The following PRKCD variants were observed in gnomAD, a reference collection of about 807,000 sequenced individuals.
The protein encoded by PRKCD is protein kinase C delta, also known as protein kinase C delta type.
In PRKCD, 20 loss-of-function variants were observed where a neutral mutation model predicts 82.2. The ratio of observed to expected loss-of-function variants is 0.24; its 90% CI spans 0.17 to 0.35. PRKCD has a LOEUF of 0.35. PRKCD is among the 10% of genes least tolerant of loss of function. The probability of loss-of-function intolerance (pLI) is 1.00; values close to 1 mark genes in which losing one functional copy is unlikely to be tolerated. For synonymous variants in PRKCD, 317 were observed against 337.0 expected, an observed-to-expected ratio of 0.94 and a Z score of 0.65; for missense variants, 607 against 899.0, an observed-to-expected ratio of 0.68 and a Z score of 4.15.
chr3:53,161,899 G>T (rs1553663047), intron 1 of PRKCD, among the ~76,000 whole-genome samples: 1 of 36,594 alleles, frequency 2.7e-5, no homozygotes, highest in African/African-American at 1.1e-4. Flanking sequence ...CCTCGATCCC[G>T]TCCTCCCGGA....
chr3:53,161,468 C>T (rs1229102684), intron 1 of PRKCD, 40 bp downstream of exon 1: 6 of 151,946 alleles, frequency 3.9e-5, no homozygotes, highest in African/African-American at 1.4e-4. Context: ...TCGGGGCTAC[C>T]CCGAGGGCGC....
rs782298081 is a variant in PRKCD, at chr3:53,179,717, G to A, written c.256G>A (p.Val86Met). ...AGAGGAGCCAGTGTCTGAGGTGACC[G>A]TGGGTGTGTCGGTGCTGGCCGAGCG... Reference protein sequence around the residue: ...AAEEPVSEVTVGVSVLAERCK... With the variant: ...AAEEPVSEVTMGVSVLAERCK... Residue 86 changes from valine to methionine, a missense_variant, in exon 4 of 19, where the codon GTG (valine) becomes ATG (methionine). Coordinates refer to ENST00000330452, the MANE Select transcript of PRKCD (RefSeq NM_006254.4). 1.1e-5 allele frequency: 17 copies of A among 1,605,096 alleles called. No individual in the cohort carries two copies. Among genetic ancestry groups the A allele is most frequent in the African/African-American group, 4.0e-5 (3 of 74,748 alleles).
intron 3 of PRKCD, chr3:53,179,331 A>G: frequency 1.6e-6 from 1 of 613,346 alleles, no homozygotes; most frequent in Non-Finnish European, 3.0e-6. Flanking sequence ...GCATAAGGGC[A>G]GGCGACATTT....
intron 2 of PRKCD, among the ~76,000 whole-genome samples, chr3:53,165,656 C>T (rs1702808909): frequency 6.6e-6 from 1 of 152,178 alleles, no homozygotes; most frequent in South Asian, 2.1e-4. Context: ...TTGGACACTG[C>T]AGGGGGATGG....
intron 2 of PRKCD, among the ~76,000 whole-genome samples, chr3:53,173,928 T>C (rs574884373): frequency 6.6e-6 from 1 of 152,334 alleles, no homozygotes; most frequent in South Asian, 2.1e-4. Flanking sequence ...GATCTCCACC[T>C]CTACCGTCTT....
chr3:53,179,925 C>T, intron 4 of PRKCD, 149 bp downstream of exon 4: 1 of 906,514 alleles, frequency 1.1e-6, no homozygotes. Flanking sequence ...CAGTCCAGCC[C>T]TGTGGCCAAC....
At chr3:53,178,375 C>A in intron 2 of PRKCD, 29 bp from the exon 3 acceptor site, 2 of 1,528,640 alleles carry the variant, frequency 1.3e-6, no homozygotes, top group African/African-American at 1.4e-5. Context: ...CCCGCCCGGC[C>A]GCCTGGCCTC....
At chr3:53,165,502 G>A (rs782153158) in intron 2 of PRKCD, among the ~76,000 whole-genome samples, 6 of 152,232 alleles carry the variant, frequency 3.9e-5, no homozygotes, top group Non-Finnish European at 7.3e-5. Flanking sequence ...AAGTAGTAAC[G>A]CTTTTTTGGT....
intron 7 of PRKCD, among the ~76,000 whole-genome samples, chr3:53,182,324 A>G (rs1703476795): frequency 6.6e-6 from 1 of 151,562 alleles, no homozygotes; most frequent in Non-Finnish European, 1.5e-5. Flanking sequence ...GCTAGAGTGC[A>G]GTTGTGCGAT....
At chr3:53,164,935 T>C (rs946203765) in intron 1 of PRKCD, among the ~76,000 whole-genome samples, 169 bp from the exon 2 acceptor site, 2 of 151,966 alleles carry the variant, frequency 1.3e-5, no homozygotes, top group African/African-American at 2.4e-5. Context: ...CCAGGAAAAG[T>C]TGGGCCCAAC....
chr3:53,187,436 G>A, intron 15 of PRKCD, 34 bp downstream of exon 15: 2 of 1,608,674 alleles, frequency 1.2e-6, no homozygotes, highest in South Asian at 1.1e-5. Flanking sequence ...GCTCTTGGGA[G>A]GGGAGGCTCC....
intron 2 of PRKCD, among the ~76,000 whole-genome samples, chr3:53,168,376 G>A (rs1702901922): frequency 6.6e-6 from 1 of 152,200 alleles, no homozygotes; most frequent in Non-Finnish European, 1.5e-5. Context: ...CAGAGGCTGG[G>A]GATGAGGAGT....
At chr3:53,179,329 G>T (rs1373305316) in intron 3 of PRKCD, 3 of 609,348 alleles carry the variant, frequency 4.9e-6, no homozygotes, top group Non-Finnish European at 9.1e-6. Flanking sequence ...ATGCATAAGG[G>T]CAGGCGACAT....
intron 1 of PRKCD, among the ~76,000 whole-genome samples, chr3:53,163,750 A>G (rs1393041780): frequency 6.6e-6 from 1 of 152,100 alleles, no homozygotes; most frequent in Non-Finnish European, 1.5e-5. Context: ...ACAGTATCCA[A>G]CCCAATTTCC....
intron 15 of PRKCD, 115 bp downstream of exon 15, chr3:53,187,517 C>A: frequency 1.7e-6 from 2 of 1,209,344 alleles, no homozygotes; most frequent in South Asian, 1.4e-5. Context: ...TGCTGGAAAT[C>A]AATCTTTAGC....
In PRKCD at chr3:53,184,821, C is replaced by G. The variant is rs74437127; in HGVS notation, c.788-53C>G. 3.9e-6 allele frequency: 6 copies of G among 1,530,974 alleles called. No homozygotes were observed. The African/African-American group carries it at 8.2e-5, about 21-fold the overall frequency. 94.8% of individuals were successfully genotyped at this position (1,530,974 alleles called of 1,614,324 possible). A position where few individuals can be genotyped will look rare whatever the true frequency, so the allele number is the denominator to read the frequency against. ...CTCCTGCGCCTCTCCTACACTGCCC[C>G]CTGCCCTTGGCTGAGCTCTGAGACT... On this transcript the variant is annotated intron_variant, in intron 9 of 18. Coordinates refer to ENST00000330452, the MANE Select transcript of PRKCD (RefSeq NM_006254.4).
At chr3:53,175,507 T>C (rs1297259569) in intron 2 of PRKCD, among the ~76,000 whole-genome samples, 1 of 152,130 alleles carries the variant, frequency 6.6e-6, no homozygotes, top group Non-Finnish European at 1.5e-5. Flanking sequence ...AAAGGTCAAG[T>C]GACCTGCACA....
At chr3:53,191,381 C>G (rs2107291671) in intron 18 of PRKCD, among the ~76,000 whole-genome samples, 1 of 152,266 alleles carries the variant, frequency 6.6e-6, no homozygotes, top group South Asian at 2.1e-4. Context: ...GCACTCCAGC[C>G]TGGGCAAGAG....
At chr3:53,178,907 C>T (rs565239818) in intron 3 of PRKCD, among the ~76,000 whole-genome samples, 8 of 152,294 alleles carry the variant, frequency 5.3e-5, no homozygotes, top group African/African-American at 7.2e-5. Flanking sequence ...AAACCAGGCA[C>T]GTCAAAAAGC....
Sources: gnomAD v4.1 joint callset for allele counts (sites outside exome capture counted in the v4.1 genomes callset) on GRCh38, gnomAD v4.1.1 for gene constraint, MANE v1.5 for transcripts, NCBI Gene and HGNC (gene_info 2026-07-23, HGNC 2026-07-21) for gene names.